The following RXRA variants were observed in gnomAD, a reference collection of about 807,000 sequenced individuals.
RXRA encodes retinoic acid receptor RXR-alpha.
RXRA carries 5 observed loss-of-function variants against 44.5 expected under a neutral mutation model. The observed-to-expected ratio is 0.11, with a 90% CI of 0.06 to 0.24. The LOEUF is 0.24. RXRA is among the 10% of genes least tolerant of loss of function. RXRA has a pLI of 1.00. For missense variants in RXRA, 412 were observed against 646.5 expected (o/e 0.64, Z 3.93); for synonymous variants, 291 against 271.4 (o/e 1.07, Z -0.71).
chr9:134,353,041 T>TG (rs1340832837), intron 1 of RXRA, among the ~76,000 whole-genome samples: 1 of 151,508 alleles, frequency 6.6e-6, no homozygotes, highest in African/African-American at 2.4e-5. Flanking sequence ...GGCTGGCCTC[T>TG]GGGGGTGCAG....
At chr9:134,386,285 C>T (rs990169029) in intron 1 of RXRA, among the ~76,000 whole-genome samples, 1 of 152,272 alleles carries the variant, frequency 6.6e-6, no homozygotes, top group Non-Finnish European at 1.5e-5. Flanking sequence ...GGGGCCGCCC[C>T]TGTGGTGGGA....
chr9:134,426,040 G>C lies in RXRA; in HGVS notation c.911-3068G>C. The C allele has an allele frequency of 4.1e-6, 4 of 985,424 alleles. No individual in the cohort carries two copies. The highest frequency in any genetic ancestry group is 4.8e-6 in the Non-Finnish European group (4 of 829,932). The allele number at this position is 985,424 out of a possible 1,614,324, so 61.0% of individuals were successfully genotyped here. On this transcript the variant is annotated intron_variant, in intron 6 of 9. Transcript: ENST00000481739. The surrounding 1 kb of genome is among the most constrained non-coding windows in gnomAD (Gnocchi z 4.6). ...CCAGGGGTCCTGCAACCCCAGCAGA[G>C]GCCCTGAGCGTTTGGGCAGGGCCAC...
At chr9:134,434,233 AC>A in intron 9 of RXRA, 26 bp downstream of exon 9, 1 of 1,536,890 alleles carries the variant, frequency 6.5e-7, no homozygotes. Context: ...TCCCACACAC[AC>A]CCCAGACCCA....
intron 1 of RXRA, among the ~76,000 whole-genome samples, chr9:134,364,516 A>G (rs1020879442): frequency 6.6e-6 from 1 of 152,240 alleles, no homozygotes; most frequent in South Asian, 2.1e-4. Context: ...ACCAGAGGGC[A>G]GCTTGCATCT....
intron 6 of RXRA, chr9:134,422,999 CCCGTGATGCCATGCG>C: frequency 1.0e-6 from 1 of 985,504 alleles, no homozygotes; most frequent in Non-Finnish European, 1.2e-6. Flanking sequence ...CATCACACTC[CCCGTGATGCCATGCG>C]GCGGCCAGGA....
At chr9:134,399,831 G>A (rs1830932497) in intron 1 of RXRA, among the ~76,000 whole-genome samples, 1 of 152,236 alleles carries the variant, frequency 6.6e-6, no homozygotes, top group African/African-American at 2.4e-5. Flanking sequence ...TGCAGTGCTG[G>A]CTGAATCTGA....
intron 1 of RXRA, among the ~76,000 whole-genome samples, chr9:134,353,525 G>C (rs1393562342): frequency 2.6e-5 from 4 of 152,242 alleles, no homozygotes; most frequent in Admixed American, 2.6e-4. Context: ...ACTTTCAAAG[G>C]CGTGTTCATT....
chr9:134,418,121 A>C (rs1016648269), intron 5 of RXRA, among the ~76,000 whole-genome samples: 12 of 151,656 alleles, frequency 7.9e-5, no homozygotes, highest in Admixed American at 2.0e-4. Flanking sequence ...CTCCTACCCT[A>C]CCCTAAGGCC....
rs1374925362 is a variant in RXRA, at chr9:134,366,284, T to G, written c.29-35348T>G. 6.6e-6 allele frequency among the ~76,000 whole-genome samples: 1 copy of G among 151,484 alleles called. No individual in the cohort carries two copies. Among genetic ancestry groups the G allele is most frequent in the African/African-American group, 2.4e-5 (1 of 41,152 alleles). On this transcript the variant is annotated intron_variant, in intron 1 of 9. Transcript: ENST00000481739. The surrounding 1 kb of genome is among the most constrained non-coding windows in gnomAD (Gnocchi z 5.9). ...GTCTCCCATGTGTGCCCAGGAGGAGTGCCACAGCCTCTCCCTCTGCCCACC... is the reference window on the plus strand; with the variant it reads ...GTCTCCCATGTGTGCCCAGGAGGAGGGCCACAGCCTCTCCCTCTGCCCACC...
At chr9:134,391,909 C>T (rs1337643548) in intron 1 of RXRA, among the ~76,000 whole-genome samples, 2 of 152,222 alleles carry the variant, frequency 1.3e-5, no homozygotes, top group Admixed American at 6.5e-5. Flanking sequence ...GCAGGAGGAG[C>T]GGCTCCCCCT....
chr9:134,326,693 C>A, intron 1 of RXRA, 34 bp downstream of exon 1: 3 of 592,110 alleles, frequency 5.1e-6, no homozygotes, highest in Non-Finnish European at 6.3e-6. Flanking sequence ...GGGACGGGGC[C>A]GGGGGCCGGG....
intron 1 of RXRA, among the ~76,000 whole-genome samples, chr9:134,400,395 C>T (rs1269677048): frequency 6.6e-6 from 1 of 152,212 alleles, no homozygotes. Context: ...TCCTGCTCGA[C>T]TCCCCAGAAG....
At chr9:134,357,819 A>G (rs1483064240) in intron 1 of RXRA, among the ~76,000 whole-genome samples, 2 of 152,158 alleles carry the variant, frequency 1.3e-5, no homozygotes, top group Non-Finnish European at 2.9e-5. Context: ...CGGTTTCTTC[A>G]TAAGTTTGTT....
chr9:134,402,129 C>G, intron 2 of RXRA: 2 of 547,072 alleles, frequency 3.7e-6, no homozygotes, highest in South Asian at 5.0e-5. Context: ...TATCTGCCCA[C>G]GTGGCCCCTT....
chr9:134,412,772 G>C (rs1831170401), intron 4 of RXRA, among the ~76,000 whole-genome samples: 1 of 152,178 alleles, frequency 6.6e-6, no homozygotes, highest in Non-Finnish European at 1.5e-5. Context: ...CTCACCCTTG[G>C]GGGTTCCCAG....
In RXRA at chr9:134,358,042, C is replaced by T. The variant is rs1332364147; in HGVS notation, c.28+31383C>T. On this transcript the variant is annotated intron_variant, in intron 1 of 9. Coordinates refer to ENST00000481739, the MANE Select transcript of RXRA (RefSeq NM_002957.6). ...CCCACTGTGCTCCCCGACATCCCTG[C>T]TGCTCGCTGGCCCGAGGGCTGGCTC... Among the ~76,000 whole-genome samples, 4 of 152,358 alleles carry T rather than the reference C, an allele frequency of 2.6e-5. No homozygotes were observed. The East Asian group carries it at 7.7e-4, about 29-fold the overall frequency.
rs554101076 is a variant in RXRA at position 134,379,342 on chromosome 9, C to T, written c.29-22290C>T. On this transcript the variant is annotated intron_variant, in intron 1 of 9. Transcript: ENST00000481739. ...GGGGATGAAGGAGGGCTGGGGGCTC[C>T]GTGACAGACAGTGGGAGGGGAGGCT... The T allele has an allele frequency of 5.1e-5, 50 of 987,414 alleles. 1 individual carries two copies. In the South Asian group the frequency reaches 1.7e-3, roughly 33 times the overall value. 61.2% of individuals were successfully genotyped at this position (987,414 alleles called of 1,614,324 possible). A position where few individuals can be genotyped will look rare whatever the true frequency, so the allele number is the denominator to read the frequency against.
rs567692502 is a variant in RXRA at position 134,433,483 on chromosome 9, C to T, written c.1136-619C>T. Among the ~76,000 whole-genome samples the T allele has an allele frequency of 4.8e-5, 7 of 146,754 alleles. No homozygotes were observed. Among genetic ancestry groups the T allele is most frequent in the African/African-American group, 1.9e-4 (7 of 36,674 alleles). ...GTACGTTGCCAAGGAGCCCAGGACA[C>T]AGGCCAAGGTGGCATTCACAGGGGG... On this transcript the variant is annotated intron_variant, in intron 8 of 9. Transcript: ENST00000481739. The surrounding 1 kb of genome is among the most constrained non-coding windows in gnomAD (Gnocchi z 4.2).
In RXRA at chr9:134,408,283, C is replaced by T. The variant is rs775970676; in HGVS notation, c.414C>T (p.Cys138=). 9 of 1,607,458 alleles carry T rather than the reference C, an allele frequency of 5.6e-6. No individual in the cohort carries two copies. Among genetic ancestry groups the T allele is most frequent in the South Asian group, 2.2e-5 (2 of 90,354 alleles). The stretch of plus-strand genomic sequence containing the variant: ...TCACCAAGCACATCTGCGCCATCTG[C>T]GGGGACCGCTCCTCAGGTACCGCTG... ...ASFTKHICAI[C]GDRSSGKHYG... Residue 138 remains cysteine (C), a synonymous_variant, in exon 3 of 10, where the codon TGC becomes TGT. Coordinates refer to ENST00000481739, the MANE Select transcript of RXRA (RefSeq NM_002957.6).
Sources: gnomAD v4.1 joint callset for allele counts (sites outside exome capture counted in the v4.1 genomes callset) on GRCh38, gnomAD v4.1.1 for gene constraint, Gnocchi (gnomAD v3.1) non-coding constraint, MANE v1.5 for transcripts, NCBI Gene and HGNC (gene_info 2026-07-23, HGNC 2026-07-21) for gene names.